The following SLX4 variants were observed in gnomAD, a reference collection of about 807,000 sequenced individuals.
SLX4 encodes the protein structure-specific endonuclease subunit SLX4.
Under a neutral mutation model 146.2 loss-of-function variants are expected in SLX4, and 112 were observed. The observed-to-expected ratio is 0.77, with a 90% CI of 0.66 to 0.90. SLX4 has a LOEUF of 0.90. SLX4 is among the 40% of genes least tolerant of loss of function. The pLI, the probability that SLX4 is intolerant of heterozygous loss-of-function variation, is 0.00. For missense variants in SLX4, 2,563 were observed against 2,392.7 expected (o/e 1.07, Z -1.49); for synonymous variants, 1,061 against 997.7 (o/e 1.06, Z -1.20).
At chr16:3,592,264 T>G (rs2040602180) in intron 11 of SLX4, among the ~76,000 whole-genome samples, 2 of 152,242 alleles carry the variant, frequency 1.3e-5, no homozygotes, top group South Asian at 4.1e-4. Context: ...AGATGCTGGC[T>G]GGACAAGCCA....
In SLX4 at chr16:3,590,312, C is replaced by A; in HGVS notation, c.3326G>T (p.Cys1109Phe). 2 of 1,614,218 alleles carry A rather than the reference C, an allele frequency of 1.2e-6. No individual in the cohort carries two copies. Among genetic ancestry groups the A allele is most frequent in the Non-Finnish European group, 1.7e-6 (2 of 1,180,042 alleles). The change falls in exon 12 of 15, where the codon TGC (cysteine) becomes TTC (phenylalanine). Residue 1109 changes from cysteine (C) to phenylalanine (F), a missense_variant. Transcript: ENST00000294008. This position sits in a 1 kb window ranked among gnomAD's most constrained non-coding sequence, Gnocchi z 4.8. ...GAACATCAGGACCCCCTTATTTCTGCACTCCAGCACGGACCGACGCTCTTT... is the reference window on the plus strand; with the variant it reads ...GAACATCAGGACCCCCTTATTTCTGAACTCCAGCACGGACCGACGCTCTTT... ...KGKERRSVLE[C>F]RNKGVLMFPE... is the part of the protein sequence containing the mutation.
intron 4 of SLX4, 23 bp from the exon 5 acceptor site, chr16:3,601,214 G>A (rs1189426390): frequency 3.1e-6 from 5 of 1,612,206 alleles, no homozygotes; most frequent in Non-Finnish European, 4.2e-6. Flanking sequence ...AGTCAATACA[G>A]GAGAACCACC....
chr16:3,595,680 C>A lies in SLX4; in HGVS notation c.1938G>T (p.Val646=). ...GSEGTAGLDV[V]PGGLPLTGFV... Reference sequence around the variant, plus strand: ...ACCCAGTCAGAGGAAGGCCGCCGGGCACCACGTCCAACCCTGAGTGGAGGA... The same window carrying A: ...ACCCAGTCAGAGGAAGGCCGCCGGGAACCACGTCCAACCCTGAGTGGAGGA... Residue 646 remains valine (V), a synonymous_variant, in exon 9 of 15, where the codon GTG becomes GTT. Transcript: ENST00000294008. The A allele has an allele frequency of 2.5e-6, 4 of 1,614,114 alleles. No homozygotes were observed. The highest frequency in any genetic ancestry group is 3.4e-6 in the Non-Finnish European group (4 of 1,180,034).
Position 3,600,893 on chromosome 16 carries a change from G to A in SLX4, c.1163+86C>T. On this transcript the variant is annotated intron_variant, in intron 5 of 14. Transcript: ENST00000294008. ...TTACAGGTGTGAACTACTGCGTCCAGCCCATAAAAAGCTTTTTTAAATAGA... is the reference window on the plus strand; with the variant it reads ...TTACAGGTGTGAACTACTGCGTCCAACCCATAAAAAGCTTTTTTAAATAGA... 11 of 1,434,046 alleles carry A rather than the reference G, an allele frequency of 7.7e-6. 1 individual carries two copies. The highest frequency in any genetic ancestry group is 1.4e-5 in the African/African-American group (1 of 70,962). The allele number at this position is 1,434,046 out of a possible 1,614,324, so 88.8% of individuals were successfully genotyped here.
intron 11 of SLX4, among the ~76,000 whole-genome samples, chr16:3,591,801 T>C (rs1328907265): frequency 6.6e-6 from 1 of 152,132 alleles, no homozygotes; most frequent in Non-Finnish European, 1.5e-5. Flanking sequence ...AAGGCTACAG[T>C]GAGCTGTGAT....
At position 3,591,013 on chromosome 16, in the gene SLX4, C is replaced by T; in HGVS notation, c.2625G>A (p.Glu875=). 6.2e-7 allele frequency: 1 copy of T among 1,614,208 alleles called. No homozygotes were observed. Among genetic ancestry groups the T allele is most frequent in the South Asian group, 1.1e-5 (1 of 91,090 alleles). Residue 875 remains glutamate (E), a synonymous_variant, in exon 12 of 15, where the codon GAG becomes GAA. Coordinates refer to ENST00000294008, the MANE Select transcript of SLX4 (RefSeq NM_032444.4). ...LQEERAAGAG[E]DADWLEGGSP... is the part of the protein sequence containing the mutation. ...TGCCACCCTCCAGCCAGTCAGCGTC[C>T]TCGCCGGCACCCGCTGCCCTTTCTT... is the stretch of plus-strand genomic sequence containing the variant.
Position 3,592,845 on chromosome 16 carries a change from G to C in SLX4, c.2181C>G (p.Ser727=). The C allele has an allele frequency of 6.2e-7, 1 of 1,611,346 alleles. No homozygotes were observed. ...GGGTCAGAACCCCGTCCTCTACAGCGGAGAAGCCTTCATTGTTCACCTGCA... is the reference window on the plus strand; with the variant it reads ...GGGTCAGAACCCCGTCCTCTACAGCCGAGAAGCCTTCATTGTTCACCTGCA... ...LIQYVNNEGF[S]AVEDGVLTQR... is the part of the protein sequence containing the mutation. The change falls in exon 11 of 15, where the codon TCC becomes TCG. Residue 727 remains serine, a synonymous_variant. Coordinates refer to ENST00000294008, the MANE Select transcript of SLX4 (RefSeq NM_032444.4).
Position 3,590,892 on chromosome 16 carries a change from C to A in SLX4, c.2746G>T (p.Ala916Ser), listed in dbSNP as rs79448721. The stretch of plus-strand genomic sequence containing the variant: ...CCCATCTTCTCCCAGGTGGTGGCGG[C>A]CTCATCTCTTCCTGGCTCCAACGGC... ...MEPLEPGRDE[A>S]ATTWEKMGQC... is the part of the protein sequence containing the mutation. The change falls in exon 12 of 15, where the codon GCC becomes TCC. Residue 916 changes from alanine (A) to serine (S), a missense_variant. By Grantham distance (99) the Ala-to-Ser change is moderately conservative (BLOSUM62 1). Coordinates refer to ENST00000294008, the MANE Select transcript of SLX4 (RefSeq NM_032444.4). The surrounding 1 kb of genome is among the most constrained non-coding windows in gnomAD (Gnocchi z 4.8). The A allele has an allele frequency of 1.7e-3, 2,739 of 1,614,054 alleles. 37 individuals carry two copies. The African/African-American group carries it at 0.032, about 19-fold the overall frequency.
chr16:3,586,365 A>AC, intron 12 of SLX4, among the ~76,000 whole-genome samples: 1 of 152,092 alleles, frequency 6.6e-6, no homozygotes, highest in Non-Finnish European at 1.5e-5. Context: ...CTACTAAAAA[A>AC]AAAAAATTAG....
At chr16:3,585,343 T>C (rs2151118418) in intron 12 of SLX4, among the ~76,000 whole-genome samples, 1 of 152,116 alleles carries the variant, frequency 6.6e-6, no homozygotes, top group South Asian at 2.1e-4. Flanking sequence ...TCCCAGCACT[T>C]TGGGAGGCCG....
Position 3,594,173 on chromosome 16 carries a change from T to G in SLX4, c.2160+280A>C, listed in dbSNP as rs77679067. 9.0e-3 allele frequency among the ~76,000 whole-genome samples: 1,378 copies of G among 152,266 alleles called. 20 individuals are homozygous for G. The highest frequency in any genetic ancestry group is 0.032 in the African/African-American group (1,318 of 41,544). On this transcript the variant is annotated intron_variant, in intron 10 of 14. Transcript: ENST00000294008. ...TGAGCCACCGCGCCCGGCCAAACAA[T>G]GGATTTTCATTCAACAGAACGAAAA...
intron 1 of SLX4, among the ~76,000 whole-genome samples, chr16:3,610,300 G>A (rs2040841312): frequency 6.6e-6 from 1 of 152,154 alleles, no homozygotes; most frequent in Non-Finnish European, 1.5e-5. Context: ...TCTCTTCTGT[G>A]TCTTCCCCTT....
At chr16:3,587,820 G>C (rs1229037419) in intron 12 of SLX4, among the ~76,000 whole-genome samples, 2 of 152,232 alleles carry the variant, frequency 1.3e-5, no homozygotes, top group Non-Finnish European at 2.9e-5. Flanking sequence ...TGGATTTTGG[G>C]AGGAAATGGG....
At chr16:3,603,717 G>C (rs1245008790) in intron 3 of SLX4, among the ~76,000 whole-genome samples, 1 of 152,224 alleles carries the variant, frequency 6.6e-6, no homozygotes, top group African/African-American at 2.4e-5. Context: ...GAGAACAGGA[G>C]CACCTGGCAT....
rs543679832 is a variant in SLX4, at chr16:3,598,554, G to C, written c.1164-555C>G. Among the ~76,000 whole-genome samples, 18 of 152,322 alleles carry C rather than the reference G, an allele frequency of 1.2e-4. No individual in the cohort carries two copies. The East Asian group carries it at 3.3e-3, about 28-fold the overall frequency. ...CTTTCAACGGGCAGCAGCTCGTTTG[G>C]TTTGGAGGAAATGAACAGGAGTTTC... On this transcript the variant is annotated intron_variant, in intron 5 of 14. Coordinates refer to ENST00000294008, the MANE Select transcript of SLX4 (RefSeq NM_032444.4).
intron 3 of SLX4, among the ~76,000 whole-genome samples, chr16:3,606,087 CTG>C (rs1190052155): frequency 2.6e-5 from 4 of 151,950 alleles, no homozygotes; most frequent in Admixed American, 2.6e-4. Flanking sequence ...TGGCGAAACC[CTG>C]TCTCTACTAA....
intron 12 of SLX4, among the ~76,000 whole-genome samples, chr16:3,588,633 T>C (rs1285435717): frequency 6.6e-6 from 1 of 152,210 alleles, no homozygotes. Context: ...CGGTTAACAT[T>C]CTGGAGAACC....
In SLX4 at chr16:3,590,568, G is replaced by A; in HGVS notation, c.3070C>T (p.Pro1024Ser). The A allele has an allele frequency of 6.2e-7, 1 of 1,612,572 alleles. No individual in the cohort carries two copies. The highest frequency in any genetic ancestry group is 8.5e-7 in the Non-Finnish European group (1 of 1,178,630). The change falls in exon 12 of 15, where the codon CCC becomes TCC. Residue 1024 changes from proline to serine, a missense_variant. Transcript: ENST00000294008. The surrounding 1 kb of genome is among the most constrained non-coding windows in gnomAD (Gnocchi z 4.8). The part of the protein sequence containing the change: ...RGLEVSHRLA[P>S]WQASPPHPCR... ...GGGTGCGGTGGAGATGCCTGCCAGG[G>A]AGCCAGGCGATGAGAAACCTCCAGC...
rs1337998964 is a variant in SLX4, at chr16:3,582,283, G to A, written c.*59C>T. On this transcript the variant is annotated 3_prime_UTR_variant, in exon 15 of 15. Coordinates refer to ENST00000294008, the MANE Select transcript of SLX4 (RefSeq NM_032444.4). The stretch of plus-strand genomic sequence containing the variant: ...ACGCTGGGTGTCCCAGGTCCTCCCT[G>A]CAAATGGCGGGGGTGGGGGCTGCTG... 1 of 1,488,200 alleles carries A rather than the reference G, an allele frequency of 6.7e-7. No individual in the cohort carries two copies. Among genetic ancestry groups the A allele is most frequent in the Non-Finnish European group, 9.1e-7 (1 of 1,095,120 alleles). 92.2% of individuals were successfully genotyped at this position (1,488,200 alleles called of 1,614,324 possible). A position where few individuals can be genotyped will look rare whatever the true frequency, so the allele number is the denominator to read the frequency against.
Sources: gnomAD v4.1 joint callset for allele counts (sites outside exome capture counted in the v4.1 genomes callset) on GRCh38, gnomAD v4.1.1 for gene constraint, Gnocchi (gnomAD v3.1) non-coding constraint, MANE v1.5 for transcripts, NCBI Gene and HGNC (gene_info 2026-07-23, HGNC 2026-07-21) for gene names.